DSCAML1: variants seen among roughly 807,000 people sequenced by gnomAD.
DSCAML1 encodes DS cell adhesion molecule like 1.
Under a neutral mutation model 200.5 loss-of-function variants are expected in DSCAML1, and 38 were observed. The ratio of observed to expected loss-of-function variants is 0.19; its 90% CI spans 0.15 to 0.25. The LOEUF is 0.25. DSCAML1 is among the 10% of genes least tolerant of loss of function. The probability of loss-of-function intolerance (pLI) is 1.00; values close to 1 mark genes in which losing one functional copy is unlikely to be tolerated. For missense variants in DSCAML1, 2,223 were observed against 2,858.8 expected, an observed-to-expected ratio of 0.78 and a Z score of 5.07; for synonymous variants, 1,215 against 1,165.0, an observed-to-expected ratio of 1.04 and a Z score of -0.87.
At chr11:117,481,488 G>A (rs1360325213) in intron 12 of DSCAML1, among the ~76,000 whole-genome samples, 2 of 148,236 alleles carry the variant, frequency 1.3e-5, no homozygotes, top group Non-Finnish European at 3.0e-5. Context: ...ACCAGAGGGA[G>A]AGAGGGGCTG....
rs991857196 is a variant in DSCAML1, at chr11:117,428,238, T to G, written c.*90A>C. On this transcript the variant is annotated 3_prime_UTR_variant, in exon 33 of 33. Coordinates refer to ENST00000651296, the MANE Select transcript of DSCAML1 (RefSeq NM_020693.4). Reference sequence around the variant, plus strand: ...TCGTTGGTTGGTTTTTGTCTGTCAGTTGAATATAAATAATGCAGAAAAACA... The same window carrying G: ...TCGTTGGTTGGTTTTTGTCTGTCAGGTGAATATAAATAATGCAGAAAAACA... The G allele has an allele frequency of 1.3e-6, 1 of 780,766 alleles. No individual in the cohort carries two copies. Among genetic ancestry groups the G allele is most frequent in the African/African-American group, 1.8e-5 (1 of 55,006 alleles). 48.4% of individuals were successfully genotyped at this position (780,766 alleles called of 1,614,324 possible).
At chr11:117,539,992 G>A (rs2050237908) in intron 3 of DSCAML1, among the ~76,000 whole-genome samples, 2 of 152,192 alleles carry the variant, frequency 1.3e-5, no homozygotes, top group South Asian at 4.1e-4. Context: ...TGCGTCTTGA[G>A]GACATTATCC....
At chr11:117,520,742 TA>T (rs2137315435) in intron 6 of DSCAML1, among the ~76,000 whole-genome samples, 1 of 150,584 alleles carries the variant, frequency 6.6e-6, no homozygotes, top group East Asian at 2.0e-4. Context: ...AAACAAACCA[TA>T]AAAAATTAGC....
At chr11:117,443,808 C>CT in intron 21 of DSCAML1, 78 bp downstream of exon 21, 1 of 1,505,152 alleles carries the variant, frequency 6.6e-7, no homozygotes, top group Non-Finnish European at 8.9e-7. Flanking sequence ...GGCAGAGACC[C>CT]TGTCTGGGGA....
At chr11:117,566,707 T>TCCCATCC (rs1405058947) in intron 3 of DSCAML1, among the ~76,000 whole-genome samples, 15 of 151,002 alleles carry the variant, frequency 9.9e-5, no homozygotes, top group Non-Finnish European at 1.8e-4. Context: ...TAGGTATATC[T>TCCCATCC]CCCAATGCTA....
chr11:117,772,719 G>A (rs1034888940), intron 3 of DSCAML1, among the ~76,000 whole-genome samples: 1 of 152,202 alleles, frequency 6.6e-6, no homozygotes, highest in African/African-American at 2.4e-5. Context: ...TCATGCAGAT[G>A]GGAAATTAAA....
intron 14 of DSCAML1, among the ~76,000 whole-genome samples, chr11:117,477,889 G>A (rs1000171730): frequency 3.3e-5 from 5 of 152,206 alleles, no homozygotes; most frequent in Non-Finnish European, 5.9e-5. Flanking sequence ...GGAAAGGACC[G>A]GCTGCCTTCT....
chr11:117,739,325 A>T (rs1404868196), intron 3 of DSCAML1, among the ~76,000 whole-genome samples: 1 of 152,108 alleles, frequency 6.6e-6, no homozygotes, highest in South Asian at 2.1e-4. Context: ...TAGAAATGCA[A>T]ATTCTTGGAC....
chr11:117,436,974 C>T (rs1432881950), intron 26 of DSCAML1, 148 bp downstream of exon 26: 3 of 1,169,462 alleles, frequency 2.6e-6, no homozygotes, highest in Admixed American at 2.8e-5. Flanking sequence ...TTTGTCAGCC[C>T]CTTCACCTGC....
chr11:117,497,744 C>G (rs900382107), intron 11 of DSCAML1, among the ~76,000 whole-genome samples: 3 of 152,232 alleles, frequency 2.0e-5, no homozygotes, highest in Admixed American at 6.5e-5. Flanking sequence ...GGAGGCTGGG[C>G]AGGTGAGGCC....
intron 3 of DSCAML1, among the ~76,000 whole-genome samples, chr11:117,640,708 T>G (rs146514745): frequency 4.8e-4 from 73 of 152,304 alleles, no homozygotes; most frequent in African/African-American, 1.6e-3. Flanking sequence ...CAAACGCCTC[T>G]TCCCCATGTC....
intron 3 of DSCAML1, among the ~76,000 whole-genome samples, chr11:117,703,902 G>A (rs1192997306): frequency 3.3e-5 from 5 of 152,172 alleles, no homozygotes; most frequent in Admixed American, 6.5e-5. Flanking sequence ...CACAGAGCAC[G>A]GGCTATGTGC....
rs1389482067 is a variant in DSCAML1, at chr11:117,505,722, C to T, written c.1794G>A (p.Leu598=). ...CGGGTGGGAATTCGAAGGGCTGGAT[C>T]AGAGGGGGCACTGGGAAGGCAAGCG... ...SVHVAVKVPP[L]IQPFEFPPAS... is the part of the protein sequence containing the mutation. The change falls in exon 9 of 33, where the codon CTG becomes CTA. Residue 598 remains leucine, a synonymous_variant. Coordinates refer to ENST00000651296, the MANE Select transcript of DSCAML1 (RefSeq NM_020693.4). This position sits in a 1 kb window ranked among gnomAD's most constrained non-coding sequence, Gnocchi z 6.7. 9.3e-6 allele frequency: 15 copies of T among 1,609,034 alleles called. No homozygotes were observed. The highest frequency in any genetic ancestry group is 1.3e-5 in the Non-Finnish European group (15 of 1,177,094).
intron 26 of DSCAML1, 109 bp from the exon 27 acceptor site, chr11:117,435,908 T>C (rs2137071331): frequency 7.9e-7 from 1 of 1,258,858 alleles, no homozygotes; most frequent in Non-Finnish European, 1.1e-6. Context: ...CCTTGGGCTC[T>C]GACCTCCACC....
At chr11:117,788,894 G>A (rs188095616) in intron 1 of DSCAML1, among the ~76,000 whole-genome samples, 2 of 152,344 alleles carry the variant, frequency 1.3e-5, no homozygotes, top group East Asian at 3.9e-4. Context: ...CCCATGGTGT[G>A]AGCACACTGT....
chr11:117,587,259 C>CCA (rs1555187513), intron 3 of DSCAML1, among the ~76,000 whole-genome samples: 4 of 147,938 alleles, frequency 2.7e-5, no homozygotes, highest in Admixed American at 2.7e-4. Context: ...TCCAACCCCC[C>CCA]CCCACGATTT....
intron 3 of DSCAML1, among the ~76,000 whole-genome samples, chr11:117,570,158 G>A (rs1374735413): frequency 2.0e-5 from 3 of 152,088 alleles, no homozygotes; most frequent in Non-Finnish European, 4.4e-5. Context: ...GGGGATGTGA[G>A]CTAGAATGGC....
At chr11:117,542,031 CG>C (rs1402659294) in intron 3 of DSCAML1, among the ~76,000 whole-genome samples, 1 of 152,090 alleles carries the variant, frequency 6.6e-6, no homozygotes, top group Non-Finnish European at 1.5e-5. Flanking sequence ...GCAATGAGGC[CG>C]GGCACTGTGG....
intron 8 of DSCAML1, among the ~76,000 whole-genome samples, chr11:117,513,740 CAAAAA>C (rs58490526): frequency 9.0e-5 from 7 of 77,792 alleles, no homozygotes; most frequent in African/African-American, 2.5e-4. Flanking sequence ...GACTCTATCT[CAAAAA>C]AAAAAAAAAA....
Sources: gnomAD v4.1 joint callset for allele counts (sites outside exome capture counted in the v4.1 genomes callset) on GRCh38, gnomAD v4.1.1 for gene constraint, Gnocchi (gnomAD v3.1) non-coding constraint, MANE v1.5 for transcripts, NCBI Gene and HGNC (gene_info 2026-07-23, HGNC 2026-07-21) for gene names.